Variants in ANKRD6 observed in about 807,000 individuals in gnomAD.
ANKRD6 encodes the protein ankyrin repeat domain 6, also known as ankyrin repeat domain-containing protein 6.
Under a neutral mutation model 82.3 loss-of-function variants are expected in ANKRD6, and 56 were observed. The observed-to-expected ratio is 0.68, with a 90% CI of 0.55 to 0.85. The LOEUF (loss-of-function observed/expected upper bound fraction) is 0.85, where lower values mean the gene tolerates loss of function less well. ANKRD6 is among the 40% of genes least tolerant of loss of function. The pLI is 0.00. For missense variants in ANKRD6, 852 were observed against 907.6 expected (o/e 0.94, Z 0.79); for synonymous variants, 347 against 352.1 (o/e 0.99, Z 0.16).
chr6:89,606,313 G>A (rs905247814), intron 5 of ANKRD6, among the ~76,000 whole-genome samples: 1 of 152,172 alleles, frequency 6.6e-6, no homozygotes, highest in Admixed American at 6.5e-5. Flanking sequence ...CACCAACAGC[G>A]CCAAAACCCT....
chr6:89,455,372 C>G (rs993972884), intron 1 of ANKRD6, among the ~76,000 whole-genome samples: 1 of 152,024 alleles, frequency 6.6e-6, no homozygotes, highest in East Asian at 1.9e-4. Flanking sequence ...GGAGCAGGCA[C>G]TTCACATGGT....
chr6:89,523,155 C>T (rs1782072769), intron 1 of ANKRD6, among the ~76,000 whole-genome samples: 1 of 152,168 alleles, frequency 6.6e-6, no homozygotes, highest in South Asian at 2.1e-4. Flanking sequence ...GGGTTGTAGG[C>T]CTCAGAAAAG....
At chr6:89,525,356 C>G (rs1386129113) in intron 1 of ANKRD6, among the ~76,000 whole-genome samples, 1 of 151,536 alleles carries the variant, frequency 6.6e-6, no homozygotes, top group Admixed American at 6.6e-5. Flanking sequence ...GCACCCCTGG[C>G]CTTGAGAGCT....
intron 1 of ANKRD6, among the ~76,000 whole-genome samples, chr6:89,557,697 C>A (rs1477454647): frequency 1.3e-5 from 2 of 152,160 alleles, no homozygotes; most frequent in Non-Finnish European, 2.9e-5. Flanking sequence ...AGGTGAGCAG[C>A]AGGCAAGCAG....
At chr6:89,545,696 C>G (rs1172342661) in intron 1 of ANKRD6, among the ~76,000 whole-genome samples, 1 of 152,150 alleles carries the variant, frequency 6.6e-6, no homozygotes, top group Admixed American at 6.5e-5. Flanking sequence ...CAACATTGAA[C>G]TTGAATCAAA....
intron 2 of ANKRD6, among the ~76,000 whole-genome samples, chr6:89,593,356 A>G (rs1010129273): frequency 6.6e-6 from 1 of 152,210 alleles, no homozygotes; most frequent in South Asian, 2.1e-4. Flanking sequence ...AGCCAGTGGA[A>G]CCTGGTCATG....
chr6:89,506,102 C>T (rs1779815128), intron 1 of ANKRD6, among the ~76,000 whole-genome samples: 1 of 152,044 alleles, frequency 6.6e-6, no homozygotes, highest in South Asian at 2.1e-4. Flanking sequence ...TATAAACTTT[C>T]AGTTATAAGA....
chr6:89,451,624 CT>C (rs1414507334), intron 1 of ANKRD6, among the ~76,000 whole-genome samples: 3 of 152,134 alleles, frequency 2.0e-5, no homozygotes, highest in African/African-American at 4.8e-5. Context: ...CCAGTTTTGC[CT>C]TTATGCTCAG....
chr6:89,631,147 T>G lies in ANKRD6; in HGVS notation c.*143T>G, dbSNP rs894497595. On this transcript the variant is annotated 3_prime_UTR_variant, in exon 16 of 16. Transcript: ENST00000339746. ...ATCACTAATTCTACAATGTGCCAGA[T>G]ACATGTTTCCTATGCCCAGGAAGTT... is the stretch of plus-strand genomic sequence containing the variant. 8.8e-6 allele frequency: 12 copies of G among 1,360,902 alleles called. No homozygotes were observed. In the Admixed American group the frequency reaches 1.6e-4, roughly 18 times the overall value. 84.3% of individuals were successfully genotyped at this position (1,360,902 alleles called of 1,614,324 possible).
intron 1 of ANKRD6, among the ~76,000 whole-genome samples, chr6:89,539,578 A>C (rs1438924521): frequency 1.3e-5 from 2 of 152,100 alleles, no homozygotes; most frequent in Admixed American, 1.3e-4. Flanking sequence ...TATGAGGTAC[A>C]TGAGATGTTT....
intron 1 of ANKRD6, among the ~76,000 whole-genome samples, chr6:89,547,310 T>C (rs766038168): frequency 6.6e-6 from 1 of 152,232 alleles, no homozygotes; most frequent in African/African-American, 2.4e-5. Context: ...GGCAGCCCTT[T>C]CTGCTGCTAC....
intron 1 of ANKRD6, among the ~76,000 whole-genome samples, chr6:89,445,418 G>A (rs1363051140): frequency 1.3e-5 from 2 of 151,204 alleles, no homozygotes; most frequent in African/African-American, 2.4e-5. Context: ...TTACAGGCAC[G>A]TGCCACCATG....
At chr6:89,618,264 T>C (rs941950181) in intron 9 of ANKRD6, 7 of 672,984 alleles carry the variant, frequency 1.0e-5, no homozygotes, top group East Asian at 2.7e-5. Flanking sequence ...GCTGGATCTT[T>C]GTCACGGCCA....
chr6:89,440,545 T>C (rs542801826), intron 1 of ANKRD6, among the ~76,000 whole-genome samples: 2 of 152,324 alleles, frequency 1.3e-5, no homozygotes, highest in East Asian at 3.9e-4. Context: ...TTGTATCCAC[T>C]TCTCAGTTGC....
At chr6:89,435,758 C>T (rs150909990) in intron 1 of ANKRD6, among the ~76,000 whole-genome samples, 14 of 152,222 alleles carry the variant, frequency 9.2e-5, no homozygotes, top group East Asian at 5.8e-4. Context: ...TGGGTGCGTG[C>T]GTTTTAGAAG....
rs1203373853 is a variant in ANKRD6 at position 89,566,870 on chromosome 6, A to C, written c.-107A>C. ...GGCATATTCATAAAGACATCTTCTG[A>C]TGATTGTGAACATCTTTACCTCTGG... is the stretch of plus-strand genomic sequence containing the variant. On this transcript the variant is annotated 5_prime_UTR_variant, in exon 2 of 16. An upstream start codon of the reference 5' UTR is lost. Coordinates refer to ENST00000339746, the MANE Select transcript of ANKRD6 (RefSeq NM_001242809.2). 5 of 1,433,168 alleles carry C rather than the reference A, an allele frequency of 3.5e-6. No homozygotes were observed. Among genetic ancestry groups the C allele is most frequent in the Non-Finnish European group, 4.7e-6 (5 of 1,058,268 alleles). The allele number at this position is 1,433,168 out of a possible 1,614,324, so 88.8% of individuals were successfully genotyped here.
chr6:89,477,065 C>A (rs1776123638), intron 1 of ANKRD6, among the ~76,000 whole-genome samples: 1 of 152,210 alleles, frequency 6.6e-6, no homozygotes, highest in African/African-American at 2.4e-5. Context: ...CTGCCTCAGC[C>A]TCCCAAGTAG....
At chr6:89,509,460 T>C (rs1780277566) in intron 1 of ANKRD6, among the ~76,000 whole-genome samples, 2 of 152,186 alleles carry the variant, frequency 1.3e-5, no homozygotes, top group Admixed American at 6.5e-5. Flanking sequence ...GCCAAGGGAC[T>C]GGACAACTAG....
chr6:89,449,144 A>G (rs1379374194), intron 1 of ANKRD6, among the ~76,000 whole-genome samples: 1 of 152,134 alleles, frequency 6.6e-6, no homozygotes, highest in Admixed American at 6.6e-5. Flanking sequence ...GAAAGGATTC[A>G]CCTTTGTAGA....
Sources: gnomAD v4.1 joint callset for allele counts (sites outside exome capture counted in the v4.1 genomes callset) on GRCh38, gnomAD v4.1.1 for gene constraint, MANE v1.5 for transcripts, NCBI Gene and HGNC (gene_info 2026-07-23, HGNC 2026-07-21) for gene names.